The following ZFHX4 variants were observed in gnomAD, a reference collection of about 807,000 sequenced individuals.
The protein encoded by ZFHX4 is zinc finger homeobox protein 4.
Under a neutral mutation model 267.6 loss-of-function variants are expected in ZFHX4, and 56 were observed. The observed-to-expected ratio is 0.21, with a 90% CI of 0.17 to 0.26. The LOEUF (loss-of-function observed/expected upper bound fraction) is 0.26, where lower values mean the gene tolerates loss of function less well. Among genes scored for constraint, ZFHX4 ranks in the 10% least tolerant of loss-of-function variants. ZFHX4 has a pLI of 1.00. For missense variants in ZFHX4, 4,332 were observed against 4,420.0 expected (o/e 0.98, Z 0.56); for synonymous variants, 1,778 against 1,665.6 (o/e 1.07, Z -1.64).
rs1207978910 is a variant in ZFHX4, at chr8:76,788,490, A to AT, written c.3325+10057dup. Among the ~76,000 whole-genome samples the AT allele has an allele frequency of 6.6e-5, 10 of 152,218 alleles. No homozygotes were observed. In the South Asian group the frequency reaches 1.4e-3, roughly 22 times the overall value. ...CTCTTGGCTCTCAGTCCAGATTTCA[A>AT]TTTTTTAAAAATATGTCTCCTGCTT... On this transcript the variant is annotated intron_variant, in intron 4 of 10. Coordinates refer to ENST00000651372, the MANE Select transcript of ZFHX4 (RefSeq NM_024721.5).
intron 3 of ZFHX4, among the ~76,000 whole-genome samples, chr8:76,752,285 G>A (rs1241298071): frequency 6.6e-6 from 1 of 151,632 alleles, no homozygotes; most frequent in Admixed American, 6.6e-5. Flanking sequence ...TATTTAGTAT[G>A]GCTCTAAAGT....
chr8:76,714,058 T>A (rs1290353692), intron 3 of ZFHX4, among the ~76,000 whole-genome samples: 1 of 152,178 alleles, frequency 6.6e-6, no homozygotes. Flanking sequence ...TTCATTCTAT[T>A]TCATGTGAAG....
chr8:76,862,250 C>G (rs1812889825), intron 10 of ZFHX4, among the ~76,000 whole-genome samples: 1 of 152,192 alleles, frequency 6.6e-6, no homozygotes, highest in Non-Finnish European at 1.5e-5. Context: ...GCTGTACCCA[C>G]AGGTTTCTGC....
chr8:76,779,442 A>G (rs564805726), intron 4 of ZFHX4, among the ~76,000 whole-genome samples: 1 of 152,246 alleles, frequency 6.6e-6, no homozygotes, highest in Non-Finnish European at 1.5e-5. Context: ...GCCTTTCTCA[A>G]CTGAGCATTC....
At chr8:76,773,362 A>T (rs2131756792) in intron 3 of ZFHX4, among the ~76,000 whole-genome samples, 1 of 152,350 alleles carries the variant, frequency 6.6e-6, no homozygotes, top group East Asian at 1.9e-4. Context: ...TTGCAGAATC[A>T]TTGTATACAT....
chr8:76,864,312 C>A lies in ZFHX4; in HGVS notation c.10598C>A (p.Ala3533Glu). The A allele has an allele frequency of 1.2e-6, 2 of 1,613,814 alleles. No individual in the cohort carries two copies. The highest frequency in any genetic ancestry group is 8.5e-7 in the Non-Finnish European group (1 of 1,179,832). ...TCCTGGCCTAATATCCTTTTCCAAG[C>A]GTCTGCCAGGAGAGCTGCTTCTCCC... ...MKSWPNILFQ[A>E]SARRAASPPS... is the part of the protein sequence containing the mutation. The change falls in exon 11 of 11, where the codon GCG (alanine) becomes GAG (glutamate). Residue 3533 changes from alanine (A) to glutamate (E), a missense_variant. Physicochemically the swap from Ala to Glu is moderately radical, Grantham distance 107. Around this residue, in one of 7 missense-constraint regions of ZFHX4, gnomAD observed 1,648 missense variants for 1,625.0 expected, o/e 1.01. Coordinates refer to ENST00000651372, the MANE Select transcript of ZFHX4 (RefSeq NM_024721.5).
intron 3 of ZFHX4, among the ~76,000 whole-genome samples, chr8:76,769,679 C>G (rs1810208764): frequency 6.6e-6 from 1 of 152,104 alleles, no homozygotes; most frequent in Admixed American, 6.6e-5. Flanking sequence ...TCTATTGGGA[C>G]AATTTCACTT....
At chr8:76,720,624 C>T (rs1405706038) in intron 3 of ZFHX4, among the ~76,000 whole-genome samples, 1 of 152,058 alleles carries the variant, frequency 6.6e-6, no homozygotes. Flanking sequence ...GTTCCTTCTC[C>T]CCTGTCCTTT....
intron 3 of ZFHX4, among the ~76,000 whole-genome samples, chr8:76,763,004 T>G (rs977019917): frequency 1.3e-5 from 2 of 152,114 alleles, no homozygotes; most frequent in Admixed American, 6.6e-5. Flanking sequence ...GATCGAAGAG[T>G]TTCTCAGGAT....
At chr8:76,768,714 T>C (rs984113652) in intron 3 of ZFHX4, among the ~76,000 whole-genome samples, 12 of 151,966 alleles carry the variant, frequency 7.9e-5, no homozygotes, top group African/African-American at 2.7e-4. Context: ...AAGGAGATAA[T>C]TTGGGGTTGT....
At chr8:76,857,327 TA>T (rs1812756549) in intron 10 of ZFHX4, among the ~76,000 whole-genome samples, 1 of 147,220 alleles carries the variant, frequency 6.8e-6, no homozygotes, top group Non-Finnish European at 1.5e-5. Flanking sequence ...TTTAACATGT[TA>T]AAGGGACATC....
In ZFHX4 at chr8:76,842,711, G is replaced by A. The variant is rs909339083; in HGVS notation, c.3451G>A (p.Asp1151Asn). The change falls in exon 6 of 11, where the codon GAT (aspartate) becomes AAT (asparagine). Residue 1151 changes from aspartate to asparagine, a missense_variant. Transcript: ENST00000651372. The stretch of plus-strand genomic sequence containing the variant: ...TAAGCCTACAGCAGTGGCCGAGGAC[G>A]ATGAAAAAGACACAAGTGAGAGAGA... Reference protein sequence around the residue: ...AIKPTAVAEDDEKDTSERDNS... With the variant: ...AIKPTAVAEDNEKDTSERDNS... The A allele has an allele frequency of 3.2e-6, 5 of 1,554,752 alleles. No individual in the cohort carries two copies. The highest frequency in any genetic ancestry group is 2.4e-5 in the South Asian group (2 of 84,128).
chr8:76,688,876 T>C (rs1445618339), intron 1 of ZFHX4, among the ~76,000 whole-genome samples: 1 of 152,146 alleles, frequency 6.6e-6, no homozygotes, highest in Admixed American at 6.5e-5. Context: ...TTTTAGAACT[T>C]CCATTTGCCT....
Position 76,707,660 on chromosome 8 carries a change from A to C in ZFHX4, c.2705A>C (p.Lys902Thr). ...CCTTATATCAGTGACCCAGCGCTGAAGCTATTCCAGTGTGCTGTTTGCAAC... is the reference window on the plus strand; with the variant it reads ...CCTTATATCAGTGACCCAGCGCTGACGCTATTCCAGTGTGCTGTTTGCAAC... ...LSPYISDPAL[K>T]LFQCAVCNKF... The change falls in exon 3 of 11, where the codon AAG becomes ACG. Residue 902 changes from lysine (K) to threonine (T), a missense_variant. This residue lies in a region of ZFHX4 where 1,195 missense variants were observed against 1,173.6 expected (regional missense o/e 1.02). Transcript: ENST00000651372. 1.2e-6 allele frequency: 2 copies of C among 1,613,874 alleles called. No individual in the cohort carries two copies. Among genetic ancestry groups the C allele is most frequent in the Non-Finnish European group, 1.7e-6 (2 of 1,179,882 alleles).
In ZFHX4 at chr8:76,853,734, T is replaced by G; in HGVS notation, c.6813T>G (p.Val2271=). ...TVLNLPTRVI[V]VWFQNARQKA... is the part of the protein sequence containing the mutation. Reference sequence around the variant, plus strand: ...TCAATCTGCCTACCCGGGTTATTGTTGTATGGTTCCAGAATGCTCGTCAGA... The same window carrying G: ...TCAATCTGCCTACCCGGGTTATTGTGGTATGGTTCCAGAATGCTCGTCAGA... Residue 2271 remains valine (V), a synonymous_variant, in exon 10 of 11, where the codon GTT becomes GTG. Coordinates refer to ENST00000651372, the MANE Select transcript of ZFHX4 (RefSeq NM_024721.5). 6.2e-7 allele frequency: 1 copy of G among 1,613,722 alleles called. No individual in the cohort carries two copies. Among genetic ancestry groups the G allele is most frequent in the South Asian group, 1.1e-5 (1 of 91,064 alleles).
At chr8:76,841,541 A>G (rs1005752708) in intron 5 of ZFHX4, among the ~76,000 whole-genome samples, 3 of 152,214 alleles carry the variant, frequency 2.0e-5, no homozygotes, top group African/African-American at 7.2e-5. Context: ...TGTTCTCTGC[A>G]TAAAAGCTCT....
chr8:76,847,921 C>A (rs182202127), intron 6 of ZFHX4, among the ~76,000 whole-genome samples: 1 of 152,074 alleles, frequency 6.6e-6, no homozygotes, highest in African/African-American at 2.4e-5. Flanking sequence ...TATATATTTA[C>A]GTGGGGTCTG....
In ZFHX4 at chr8:76,855,498, C is replaced by A; in HGVS notation, c.8577C>A (p.Val2859=). ...PKPATTPTTE[V]CDDKFLFSLT... The stretch of plus-strand genomic sequence containing the variant: ...CTGCAACCACACCTACCACGGAGGT[C>A]TGCGATGACAAATTTCTCTTTTCTC... The change falls in exon 10 of 11, where the codon GTC becomes GTA. Residue 2859 remains valine, a synonymous_variant. Coordinates refer to ENST00000651372, the MANE Select transcript of ZFHX4 (RefSeq NM_024721.5). 2 of 1,613,812 alleles carry A rather than the reference C, an allele frequency of 1.2e-6. No individual in the cohort carries two copies. The highest frequency in any genetic ancestry group is 1.7e-6 in the Non-Finnish European group (2 of 1,179,862).
chr8:76,755,300 T>A (rs552298839), intron 3 of ZFHX4, among the ~76,000 whole-genome samples: 2 of 152,326 alleles, frequency 1.3e-5, no homozygotes, highest in South Asian at 4.1e-4. Flanking sequence ...ATTTAGGGGA[T>A]CTTTTCAGTG....
Sources: allele counts gnomAD v4.1 joint callset (sites outside exome capture counted in the v4.1 genomes callset), GRCh38; gene constraint gnomAD v4.1.1; regional missense constraint gnomAD v4.1.1; transcripts MANE v1.5; gene names NCBI Gene and HGNC (gene_info 2026-07-23, HGNC 2026-07-21).